FBRSL1: variants seen among roughly 807,000 people sequenced by gnomAD.
FBRSL1 encodes the protein fibrosin-1-like protein.
Under a neutral mutation model 89.6 loss-of-function variants are expected in FBRSL1, and 51 were observed. The observed-to-expected ratio is 0.57, with a 90% CI of 0.45 to 0.72. The LOEUF (loss-of-function observed/expected upper bound fraction) is 0.72, where lower values mean the gene tolerates loss of function less well. Ranked by LOEUF, FBRSL1 falls within the 30% of genes least tolerant of loss-of-function variation. FBRSL1 has a pLI of 0.00. For synonymous variants in FBRSL1, 779 were observed against 681.1 expected, an observed-to-expected ratio of 1.14 and a Z score of -2.24; for missense variants, 1,618 against 1,451.8, an observed-to-expected ratio of 1.11 and a Z score of -1.86.
intron 4 of FBRSL1, among the ~76,000 whole-genome samples, chr12:132,536,779 A>G (rs2036791755): frequency 6.6e-6 from 1 of 152,212 alleles, no homozygotes; most frequent in Admixed American, 6.5e-5. Context: ...GTGTGAGTGC[A>G]CATGTGTATG....
At chr12:132,537,907 C>A (rs1168271147) in intron 4 of FBRSL1, among the ~76,000 whole-genome samples, 1 of 152,202 alleles carries the variant, frequency 6.6e-6, no homozygotes, top group Non-Finnish European at 1.5e-5. Context: ...TGGGTGGGAT[C>A]AGGGTCCTGA....
intron 4 of FBRSL1, among the ~76,000 whole-genome samples, chr12:132,530,101 G>C (rs1411007968): frequency 6.6e-6 from 1 of 151,872 alleles, no homozygotes; most frequent in East Asian, 1.9e-4. Context: ...TGAGTATGAT[G>C]ACACTCCTCT....
At chr12:132,494,530 G>T (rs1470042962) in intron 1 of FBRSL1, among the ~76,000 whole-genome samples, 2 of 152,244 alleles carry the variant, frequency 1.3e-5, no homozygotes, top group African/African-American at 4.8e-5. Flanking sequence ...CCCCAGTGAC[G>T]CTGGCCATGG....
chr12:132,509,433 C>G, intron 2 of FBRSL1: 1 of 1,241,592 alleles, frequency 8.1e-7, no homozygotes, highest in Non-Finnish European at 1.0e-6. Flanking sequence ...TCAGCCCTGC[C>G]GGCCCCAGCG....
chr12:132,525,305 G>T (rs1327475345), intron 2 of FBRSL1, among the ~76,000 whole-genome samples: 1 of 152,216 alleles, frequency 6.6e-6, no homozygotes, highest in African/African-American at 2.4e-5. Flanking sequence ...ACAGCCAGAT[G>T]GGGTGGTGCG....
chr12:132,577,875 A>C (rs35826119), intron 15 of FBRSL1, among the ~76,000 whole-genome samples: 1 of 152,194 alleles, frequency 6.6e-6, no homozygotes, highest in Non-Finnish European at 1.5e-5. Flanking sequence ...ATGGTGTCTC[A>C]GCCTGCACGG....
At chr12:132,494,387 A>G (rs1479936358) in intron 1 of FBRSL1, among the ~76,000 whole-genome samples, 1 of 152,180 alleles carries the variant, frequency 6.6e-6, no homozygotes, top group Non-Finnish European at 1.5e-5. Flanking sequence ...ATCTTCCCAC[A>G]TAGCAAAGGC....
chr12:132,581,906 C>A (rs890105227), intron 17 of FBRSL1, 82 bp downstream of exon 17: 1 of 1,365,612 alleles, frequency 7.3e-7, no homozygotes, highest in Non-Finnish European at 9.9e-7. Context: ...AACCCCGATG[C>A]CTGGCTGACC....
intron 1 of FBRSL1, 44 bp from the exon 2 acceptor site, chr12:132,508,109 C>A: frequency 7.2e-7 from 1 of 1,396,100 alleles, no homozygotes; most frequent in Non-Finnish European, 9.9e-7. Flanking sequence ...GCCCAAGGCC[C>A]TGGGGTCCCG....
At chr12:132,506,087 G>A (rs1462740566) in intron 1 of FBRSL1, among the ~76,000 whole-genome samples, 7 of 152,176 alleles carry the variant, frequency 4.6e-5, no homozygotes, top group East Asian at 3.9e-4. Flanking sequence ...TGTTCACTCA[G>A]CAGCACTTGT....
chr12:132,565,742 CAG>C (rs2039567167), intron 5 of FBRSL1: 1 of 152,306 alleles, frequency 6.6e-6, no homozygotes, highest in African/African-American at 2.4e-5. Context: ...CCTCCACACA[CAG>C]AGTGTCCCCC....
At chr12:132,533,242 G>A (rs1384428210) in intron 4 of FBRSL1, among the ~76,000 whole-genome samples, 1 of 125,976 alleles carries the variant, frequency 7.9e-6, no homozygotes, top group Admixed American at 8.5e-5. Flanking sequence ...GTCTCCTCCC[G>A]ACCCAGCCTC....
At chr12:132,524,874 G>A (rs2035656729) in intron 2 of FBRSL1, among the ~76,000 whole-genome samples, 1 of 152,246 alleles carries the variant, frequency 6.6e-6, no homozygotes, top group Non-Finnish European at 1.5e-5. Context: ...GCAGGGCTCG[G>A]GGTCTGGTCC....
Position 132,583,250 on chromosome 12 carries a change from G to A in FBRSL1, c.2481G>A (p.Pro827=). 6.7e-6 allele frequency: 9 copies of A among 1,353,128 alleles called. No homozygotes were observed. In the South Asian group the frequency reaches 9.5e-5, roughly 14 times the overall value. The allele number at this position is 1,353,128 out of a possible 1,614,324, so 83.8% of individuals were successfully genotyped here. A position where few individuals can be genotyped will look rare whatever the true frequency, so the allele number is the denominator to read the frequency against. The part of the protein sequence containing the change: ...ERGEDEASEP[P]AGGLHPAPLQ... ...GGGAGGACGAGGCCTCCGAGCCCCCGGCGGGCGGCCTGCACCCCGCGCCCC... is the reference window on the plus strand; with the variant it reads ...GGGAGGACGAGGCCTCCGAGCCCCCAGCGGGCGGCCTGCACCCCGCGCCCC... The change falls in exon 19 of 19, where the codon CCG becomes CCA. Residue 827 remains proline (P), a synonymous_variant. Transcript: ENST00000680143.
At chr12:132,521,580 G>A (rs1005779914) in intron 2 of FBRSL1, among the ~76,000 whole-genome samples, 8 of 152,198 alleles carry the variant, frequency 5.3e-5, no homozygotes, top group African/African-American at 1.7e-4. Context: ...TGGAGGCATC[G>A]TGGCCGGCCA....
intron 14 of FBRSL1, among the ~76,000 whole-genome samples, chr12:132,576,193 T>C (rs1022469583): frequency 1.5e-5 from 2 of 131,612 alleles, no homozygotes; most frequent in East Asian, 2.0e-4. Flanking sequence ...GCTTTTTCAG[T>C]TTCTTTTTTT....
chr12:132,558,075 C>T, intron 5 of FBRSL1, among the ~76,000 whole-genome samples: 1 of 151,540 alleles, frequency 6.6e-6, no homozygotes, highest in African/African-American at 2.4e-5. Context: ...TCTGGACCCC[C>T]CATGGACAGA....
chr12:132,564,148 T>C (rs1016303790), intron 5 of FBRSL1, among the ~76,000 whole-genome samples: 7 of 152,190 alleles, frequency 4.6e-5, no homozygotes, highest in African/African-American at 1.7e-4. Context: ...ACGCGCTCAC[T>C]GTTGATCCGT....
intron 5 of FBRSL1, chr12:132,554,176 G>C (rs1038606772): frequency 3.9e-5 from 6 of 152,292 alleles, no homozygotes; most frequent in African/African-American, 1.4e-4. Context: ...GCGTCGGTAA[G>C]GGCCTCACCG....
Sources: gnomAD v4.1 joint callset for allele counts (sites outside exome capture counted in the v4.1 genomes callset) on GRCh38, gnomAD v4.1.1 for gene constraint, MANE v1.5 for transcripts, NCBI Gene and HGNC (gene_info 2026-07-23, HGNC 2026-07-21) for gene names.